Variants in CRACDL observed in about 807,000 individuals in gnomAD.
CRACDL encodes CRACD-like protein.
A neutral mutation model predicts 70.6 loss-of-function variants in CRACDL; 26 were observed. That is an observed-to-expected ratio of 0.37 (90% CI 0.27 to 0.51). CRACDL has a LOEUF of 0.51. CRACDL is among the 20% of genes least tolerant of loss of function. The pLI, the probability that CRACDL is intolerant of heterozygous loss-of-function variation, is 0.94. For missense variants in CRACDL, 1,283 were observed against 1,376.9 expected, an observed-to-expected ratio of 0.93 and a Z score of 1.08; for synonymous variants, 618 against 615.2, an observed-to-expected ratio of 1.00 and a Z score of -0.07.
At chr2:98,910,879 T>C (rs1708531466) in intron 1 of CRACDL, among the ~76,000 whole-genome samples, 1 of 152,254 alleles carries the variant, frequency 6.6e-6, no homozygotes, top group Non-Finnish European at 1.5e-5. Context: ...TGAGGCGATG[T>C]AAATAAGGTG....
rs1705191782 is a variant in CRACDL, at chr2:98,823,637, C to T, written c.736-100G>A. On this transcript the variant is annotated intron_variant, in intron 6 of 9. Coordinates refer to ENST00000397899, the MANE Select transcript of CRACDL (RefSeq NM_207362.3). This position sits in a 1 kb window ranked among gnomAD's most constrained non-coding sequence, Gnocchi z 4.0. Reference sequence around the variant, plus strand: ...AAGGCTTATAATGGTTTAGTGATAGCAGCACTATAAAGCTGGCACTTAAGT... The same window carrying T: ...AAGGCTTATAATGGTTTAGTGATAGTAGCACTATAAAGCTGGCACTTAAGT... 7.1e-7 allele frequency: 1 copy of T among 1,409,498 alleles called. No individual in the cohort carries two copies. Among genetic ancestry groups the T allele is most frequent in the Non-Finnish European group, 9.7e-7 (1 of 1,034,212 alleles). 87.3% of individuals were successfully genotyped at this position (1,409,498 alleles called of 1,614,324 possible).
At chr2:98,894,913 C>T (rs1170521100) in intron 1 of CRACDL, among the ~76,000 whole-genome samples, 2 of 152,126 alleles carry the variant, frequency 1.3e-5, no homozygotes, top group Admixed American at 6.5e-5. Context: ...CAGGACCAGC[C>T]TTGGCAACAT....
chr2:98,825,948 T>C (rs1705283695), intron 6 of CRACDL, among the ~76,000 whole-genome samples: 1 of 152,152 alleles, frequency 6.6e-6, no homozygotes, highest in Admixed American at 6.5e-5. Context: ...CAGCTTGCCC[T>C]GGGTACTTCA....
intron 1 of CRACDL, chr2:98,868,959 G>A (rs544279381): frequency 4.1e-5 from 18 of 438,906 alleles, no homozygotes; most frequent in South Asian, 2.7e-4. Flanking sequence ...GGTAACAGAC[G>A]CTGCAGATTT....
Position 98,822,760 on chromosome 2 carries a change from C to A in CRACDL, c.1513G>T (p.Ala505Ser). 7.9e-7 allele frequency: 1 copy of A among 1,268,782 alleles called. No homozygotes were observed. Among genetic ancestry groups the A allele is most frequent in the South Asian group, 3.0e-5 (1 of 32,938 alleles). The allele number at this position is 1,268,782 out of a possible 1,614,324, so 78.6% of individuals were successfully genotyped here. A position where few individuals can be genotyped will look rare whatever the true frequency, so the allele number is the denominator to read the frequency against. ...GGGGACGCGGCGGGGCCCTCGCTGG[C>A]GGCCGCGGGCCGGTGTTTCAGGCAG... ...KSCLKHRPAAASEGPAASPPL... is the reference protein window; with the variant it reads ...KSCLKHRPAASSEGPAASPPL... The change falls in exon 7 of 10, where the codon GCC (alanine) becomes TCC (serine). Residue 505 changes from alanine (A) to serine (S), a missense_variant. By Grantham distance (99) the Ala-to-Ser change is moderately conservative. Around this residue, in one of 2 missense-constraint regions of CRACDL, gnomAD observed 921 missense variants for 881.9 expected, o/e 1.04. Coordinates refer to ENST00000397899, the MANE Select transcript of CRACDL (RefSeq NM_207362.3). This position sits in a 1 kb window ranked among gnomAD's most constrained non-coding sequence, Gnocchi z 4.9.
At chr2:98,918,434 G>A (rs1365211785) in intron 1 of CRACDL, among the ~76,000 whole-genome samples, 1 of 150,824 alleles carries the variant, frequency 6.6e-6, no homozygotes, top group East Asian at 2.0e-4. Context: ...TTGGGAGGCT[G>A]AGGCCCAGGC....
At chr2:98,858,669 A>G (rs1269959474) in intron 1 of CRACDL, among the ~76,000 whole-genome samples, 1 of 152,114 alleles carries the variant, frequency 6.6e-6, no homozygotes, top group Admixed American at 6.5e-5. Context: ...TAGAAAATAG[A>G]AAAACATTTT....
intron 1 of CRACDL, chr2:98,908,249 C>T (rs1017838836): frequency 3.3e-5 from 5 of 152,280 alleles, no homozygotes; most frequent in African/African-American, 1.2e-4. Context: ...AAATGTGTGG[C>T]CTAGAGAGAG....
intron 7 of CRACDL, among the ~76,000 whole-genome samples, chr2:98,807,668 A>G (rs1704371190): frequency 6.6e-6 from 1 of 152,200 alleles, no homozygotes. Flanking sequence ...CTTATTTACT[A>G]AATAGAATTG....
rs1708713747 is a variant in CRACDL, at chr2:98,918,315, T to C, written c.-11+17623A>G. ...TGGGAGGCCAATGCGGGTGGATCGC[T>C]TGAGTTCAGGAGTTCGAGACCAGCC... On this transcript the variant is annotated intron_variant, in intron 1 of 9. Coordinates refer to ENST00000397899, the MANE Select transcript of CRACDL (RefSeq NM_207362.3). Among the ~76,000 whole-genome samples the C allele has an allele frequency of 2.0e-5, 3 of 152,174 alleles. No homozygotes were observed. In the South Asian group the frequency reaches 6.2e-4, roughly 32 times the overall value.
Position 98,822,969 on chromosome 2 carries a change from ACACT to A in CRACDL, c.1300_1303del (p.Val435ArgfsTer63). On this transcript the variant is annotated frameshift_variant, in exon 7 of 10. Coordinates refer to ENST00000397899, the MANE Select transcript of CRACDL (RefSeq NM_207362.3). LOFTEE classifies it high-confidence loss of function. The surrounding 1 kb of genome is among the most constrained non-coding windows in gnomAD (Gnocchi z 4.9). Reference sequence around the variant, plus strand: ...CGGCGTCGGCTCCGCTTCCTTCGGGACACTGCGTTCTGGCCCGTCGCGAGCAGAG... The same window carrying A: ...CGGCGTCGGCTCCGCTTCCTTCGGGAGCGTTCTGGCCCGTCGCGAGCAGAG... 6.7e-7 allele frequency: 1 copy of A among 1,483,018 alleles called. No individual in the cohort carries two copies. Among genetic ancestry groups the A allele is most frequent in the Non-Finnish European group, 8.9e-7 (1 of 1,119,408 alleles). 91.9% of individuals were successfully genotyped at this position (1,483,018 alleles called of 1,614,324 possible). A position where few individuals can be genotyped will look rare whatever the true frequency, so the allele number is the denominator to read the frequency against.
chr2:98,795,980 A>G lies in CRACDL; in HGVS notation c.2749+140T>C, dbSNP rs1036705891. The stretch of plus-strand genomic sequence containing the variant: ...AATGGATGAGTTTTATGACACGTAA[A>G]TTGTATCTCCGTAAGAGCTGTGTAG... On this transcript the variant is annotated intron_variant, in intron 9 of 9. Coordinates refer to ENST00000397899, the MANE Select transcript of CRACDL (RefSeq NM_207362.3). The G allele has an allele frequency of 4.4e-5, 34 of 775,678 alleles. 3 individuals carry two copies. Among genetic ancestry groups the G allele is most frequent in the Admixed American group, 3.7e-4 (19 of 51,184 alleles). The allele number at this position is 775,678 out of a possible 1,614,324, so 48.0% of individuals were successfully genotyped here. A position where few individuals can be genotyped will look rare whatever the true frequency, so the allele number is the denominator to read the frequency against.
chr2:98,935,889 T>G (rs1215052409), intron 1 of CRACDL, 49 bp downstream of exon 1: 1 of 151,860 alleles, frequency 6.6e-6, no homozygotes, highest in African/African-American at 2.4e-5. Flanking sequence ...CACCCCGCCT[T>G]CGACCCACGC....
At chr2:98,887,827 C>T (rs940989148) in intron 1 of CRACDL, among the ~76,000 whole-genome samples, 9 of 152,144 alleles carry the variant, frequency 5.9e-5, no homozygotes, top group African/African-American at 1.4e-4. Context: ...TTATGGATGC[C>T]AGAAGGCACT....
intron 1 of CRACDL, chr2:98,869,325 C>G: frequency 1.7e-6 from 2 of 1,184,522 alleles, no homozygotes; most frequent in Non-Finnish European, 2.2e-6. Context: ...TCCTGTGCCC[C>G]GTGAGCTCCT....
rs570472093 is a variant in CRACDL at position 98,849,469 on chromosome 2, G to A, written c.-10-2659C>T. Reference sequence around the variant, plus strand: ...GGGGCACCCCCTCCTGCCAAGCCCGGATCAGTCCAGAGGCTCAGGCTTGCT... The same window carrying A: ...GGGGCACCCCCTCCTGCCAAGCCCGAATCAGTCCAGAGGCTCAGGCTTGCT... On this transcript the variant is annotated intron_variant, in intron 1 of 9. Transcript: ENST00000397899. 2.0e-5 allele frequency among the ~76,000 whole-genome samples: 3 copies of A among 152,276 alleles called. No homozygotes were observed. In the East Asian group the frequency reaches 5.8e-4, roughly 29 times the overall value.
At chr2:98,881,074 A>C (rs1262541694) in intron 1 of CRACDL, among the ~76,000 whole-genome samples, 1 of 152,086 alleles carries the variant, frequency 6.6e-6, no homozygotes, top group Non-Finnish European at 1.5e-5. Context: ...GATGGGCCGC[A>C]CTCGGCACCT....
intron 1 of CRACDL, among the ~76,000 whole-genome samples, chr2:98,896,172 C>T (rs756535813): frequency 9.2e-5 from 14 of 152,156 alleles, no homozygotes; most frequent in South Asian, 4.2e-4. Context: ...ACACAGGACA[C>T]GGTGCCTGAA....
intron 1 of CRACDL, among the ~76,000 whole-genome samples, chr2:98,862,101 C>G (rs972560154): frequency 3.3e-5 from 5 of 152,072 alleles, no homozygotes; most frequent in African/African-American, 1.2e-4. Flanking sequence ...ATTCTCGGAG[C>G]CAGATATCAA....
Sources: gnomAD v4.1 joint callset for allele counts (sites outside exome capture counted in the v4.1 genomes callset) on GRCh38, gnomAD v4.1.1 for gene constraint, gnomAD v4.1.1 regional missense constraint, Gnocchi (gnomAD v3.1) non-coding constraint, MANE v1.5 for transcripts, NCBI Gene and HGNC (gene_info 2026-07-23, HGNC 2026-07-21) for gene names.